AFAP1: variants seen among roughly 807,000 people sequenced by gnomAD.
AFAP1 encodes the protein actin filament-associated protein 1.
In AFAP1, 75 loss-of-function variants were observed where a neutral mutation model predicts 93.9. The observed-to-expected ratio is 0.80, with a 90% CI of 0.66 to 0.97. The LOEUF (loss-of-function observed/expected upper bound fraction) is 0.97. Among genes scored for constraint, AFAP1 ranks in the 50% least tolerant of loss-of-function variants. The probability of loss-of-function intolerance (pLI) is 0.00; values close to 1 mark genes in which losing one functional copy is unlikely to be tolerated. For missense variants in AFAP1, 1,201 were observed against 1,050.8 expected, an observed-to-expected ratio of 1.14 and a Z score of -1.98; for synonymous variants, 517 against 430.7, an observed-to-expected ratio of 1.20 and a Z score of -2.48.
At chr4:7,825,811 GAACT>G (rs1404074626) in intron 6 of AFAP1, among the ~76,000 whole-genome samples, 3 of 151,838 alleles carry the variant, frequency 2.0e-5, no homozygotes, top group Admixed American at 6.6e-5. Context: ...TTTTTTGAGA[GAACT>G]AATAAAATTG....
intron 1 of AFAP1, among the ~76,000 whole-genome samples, chr4:7,893,096 G>A (rs535782453): frequency 2.6e-5 from 4 of 152,240 alleles, no homozygotes; most frequent in Admixed American, 1.3e-4. Context: ...GTGCCGGGGG[G>A]GCAGAAACCA....
chr4:7,911,171 T>C (rs1488626440), intron 1 of AFAP1, among the ~76,000 whole-genome samples: 1 of 152,014 alleles, frequency 6.6e-6, no homozygotes. Flanking sequence ...ACCCCTCCAC[T>C]CCTCCCTGGG....
intron 5 of AFAP1, 60 bp downstream of exon 5, chr4:7,843,079 C>A: frequency 1.3e-6 from 2 of 1,558,458 alleles, no homozygotes; most frequent in Non-Finnish European, 1.8e-6. Flanking sequence ...TGGATATAAA[C>A]GCCATGGCTT....
At chr4:7,873,332 G>T (rs1479216840) in intron 1 of AFAP1, among the ~76,000 whole-genome samples, 3 of 127,180 alleles carry the variant, frequency 2.4e-5, no homozygotes, top group South Asian at 2.5e-4. Flanking sequence ...TCTAACCTTT[G>T]AAGACACACC....
intron 3 of AFAP1, among the ~76,000 whole-genome samples, chr4:7,868,028 C>T (rs182608423): frequency 2.0e-5 from 3 of 151,242 alleles, no homozygotes; most frequent in African/African-American, 2.4e-5. Flanking sequence ...TAGAAAACAG[C>T]CAAATATAGA....
chr4:7,811,862 C>T (rs1294873102), intron 8 of AFAP1, among the ~76,000 whole-genome samples: 2 of 152,104 alleles, frequency 1.3e-5, no homozygotes, highest in Non-Finnish European at 2.9e-5. Flanking sequence ...GCAACACAGT[C>T]CCAGCATTTC....
At chr4:7,823,419 C>G (rs1721147471) in intron 6 of AFAP1, among the ~76,000 whole-genome samples, 1 of 151,908 alleles carries the variant, frequency 6.6e-6, no homozygotes, top group African/African-American at 2.4e-5. Flanking sequence ...TTCTAAAATC[C>G]TCAAGAGGAA....
chr4:7,827,571 A>T (rs1187975371), intron 6 of AFAP1, among the ~76,000 whole-genome samples: 3 of 109,324 alleles, frequency 2.7e-5, no homozygotes, highest in Non-Finnish European at 5.5e-5. Context: ...TCTGTCTCCA[A>T]AAAAAAAAAA....
At chr4:7,809,513 A>C in intron 9 of AFAP1, 101 bp downstream of exon 9, 1 of 1,389,056 alleles carries the variant, frequency 7.2e-7, no homozygotes, top group Middle Eastern at 2.6e-4. Flanking sequence ...AAAAGAGCTC[A>C]AATTAACGAG....
chr4:7,905,985 G>A (rs1272934716), intron 1 of AFAP1, among the ~76,000 whole-genome samples: 3 of 152,232 alleles, frequency 2.0e-5, no homozygotes, highest in Admixed American at 1.3e-4. Flanking sequence ...GGGCCAGCCT[G>A]GGGGCCTGCT....
intron 1 of AFAP1, among the ~76,000 whole-genome samples, chr4:7,874,356 CTTTTTTTTTTT>C (rs869214535): frequency 5.4e-5 from 5 of 92,420 alleles, no homozygotes; most frequent in African/African-American, 1.4e-4. Flanking sequence ...TTGCCTTTTT[CTTTTTTTTTTT>C]TTTTTTTTTT....
At chr4:7,835,413 C>T (rs1262045344) in intron 6 of AFAP1, among the ~76,000 whole-genome samples, 104 of 98,180 alleles carry the variant, frequency 1.1e-3, no homozygotes, top group Middle Eastern at 9.8e-3. Flanking sequence ...GAATGGACTG[C>T]GGGCTGCCTT....
chr4:7,781,272 A>T, intron 13 of AFAP1, 104 bp downstream of exon 13: 1 of 1,378,424 alleles, frequency 7.3e-7, no homozygotes, highest in Middle Eastern at 2.0e-4. Flanking sequence ...AAAACACATT[A>T]TGCTTTGCCT....
chr4:7,809,578 G>A (rs1237625532), intron 9 of AFAP1, 36 bp downstream of exon 9: 11 of 1,596,956 alleles, frequency 6.9e-6, no homozygotes, highest in African/African-American at 4.0e-5. Context: ...ACCCACTTAG[G>A]TGCACGCTGC....
chr4:7,936,767 G>C (rs1475407055), intron 1 of AFAP1, among the ~76,000 whole-genome samples: 1 of 151,956 alleles, frequency 6.6e-6, no homozygotes, highest in Non-Finnish European at 1.5e-5. Flanking sequence ...ATTTTTAGTG[G>C]AGATAGGGTT....
At chr4:7,911,361 G>A (rs1719715008) in intron 1 of AFAP1, among the ~76,000 whole-genome samples, 1 of 152,200 alleles carries the variant, frequency 6.6e-6, no homozygotes, top group Non-Finnish European at 1.5e-5. Context: ...ACTGTGAGCT[G>A]TACTGACCCG....
At chr4:7,788,797 T>TC (rs1354647237) in intron 11 of AFAP1, 4 of 143,382 alleles carry the variant, frequency 2.8e-5, no homozygotes, top group Non-Finnish European at 6.1e-5. Context: ...GACCATCCCC[T>TC]CCCCTGTGCC....
At chr4:7,817,682 A>G (rs1381507920) in intron 7 of AFAP1, among the ~76,000 whole-genome samples, 1 of 152,162 alleles carries the variant, frequency 6.6e-6, no homozygotes, top group Non-Finnish European at 1.5e-5. Context: ...CAAATTTGAC[A>G]TTAAGCTAAT....
At position 7,872,838 on chromosome 4, in the gene AFAP1, C is replaced by G. The variant is rs186569547; in HGVS notation, c.-2-758G>C. Among the ~76,000 whole-genome samples the G allele has an allele frequency of 3.4e-3, 514 of 150,762 alleles. 6 individuals carry two copies. The highest frequency in any genetic ancestry group is 0.012 in the African/African-American group (480 of 40,972). On this transcript the variant is annotated intron_variant, in intron 1 of 17. Transcript: ENST00000420658. ...TGGTGTAAATGCCAAGGTAAAACTG[C>G]TAGCATCTTAGCACGAATCAAGGAA...
Sources: gnomAD v4.1 joint callset for allele counts (sites outside exome capture counted in the v4.1 genomes callset) on GRCh38, gnomAD v4.1.1 for gene constraint, MANE v1.5 for transcripts, NCBI Gene and HGNC (gene_info 2026-07-23, HGNC 2026-07-21) for gene names.